The following ARID5B variants were observed in gnomAD, a reference collection of about 807,000 sequenced individuals.
ARID5B encodes the protein AT-rich interaction domain 5B.
ARID5B carries 13 observed loss-of-function variants against 97.2 expected under a neutral mutation model. That is an observed-to-expected ratio of 0.13 (90% CI 0.09 to 0.21). The LOEUF (loss-of-function observed/expected upper bound fraction) is 0.21, where lower values mean the gene tolerates loss of function less well. Among genes scored for constraint, ARID5B ranks in the 10% least tolerant of loss-of-function variants. The pLI is 1.00. For synonymous variants in ARID5B, 556 were observed against 570.3 expected (o/e 0.97, Z 0.36); for missense variants, 1,210 against 1,465.3 (o/e 0.83, Z 2.84).
At chr10:62,004,148 G>C (rs1390824277) in intron 4 of ARID5B, among the ~76,000 whole-genome samples, 1 of 152,128 alleles carries the variant, frequency 6.6e-6, no homozygotes, top group East Asian at 1.9e-4. Flanking sequence ...GGTTATTTTA[G>C]GCTTGAAGGG....
intron 3 of ARID5B, among the ~76,000 whole-genome samples, chr10:61,956,718 A>G (rs918834723): frequency 2.0e-5 from 3 of 152,264 alleles, no homozygotes; most frequent in Admixed American, 2.0e-4. Flanking sequence ...TATCACTCTC[A>G]AACTGTAACT....
chr10:61,984,195 G>A (rs1838816370), intron 3 of ARID5B, among the ~76,000 whole-genome samples: 1 of 152,120 alleles, frequency 6.6e-6, no homozygotes. Flanking sequence ...GGGCTCCACT[G>A]TTTCTTTGGG....
chr10:61,920,484 C>T (rs896634089), intron 2 of ARID5B, among the ~76,000 whole-genome samples: 27 of 152,210 alleles, frequency 1.8e-4, no homozygotes, highest in African/African-American at 6.0e-4. Flanking sequence ...AGGCGTGTGC[C>T]ACCATGCCTG....
At chr10:61,902,673 A>ATGTGTGTGTGTG (rs59459790) in intron 2 of ARID5B, among the ~76,000 whole-genome samples, 22 of 148,338 alleles carry the variant, frequency 1.5e-4, no homozygotes, top group African/African-American at 5.5e-4. Context: ...TTGTTCAAGG[A>ATGTGTGTGTGTG]TGTGTGTGTG....
chr10:61,993,410 C>A (rs1838954393), intron 3 of ARID5B, among the ~76,000 whole-genome samples: 1 of 152,154 alleles, frequency 6.6e-6, no homozygotes, highest in Non-Finnish European at 1.5e-5. Flanking sequence ...TTTCCTTTTA[C>A]AAATGTCTTT....
Position 61,902,191 on chromosome 10 carries a change from T to A in ARID5B, c.54T>A (p.Pro18=). 6.2e-7 allele frequency: 1 copy of A among 1,613,336 alleles called. No individual in the cohort carries two copies. The highest frequency in any genetic ancestry group is 8.5e-7 in the Non-Finnish European group (1 of 1,180,014). The change falls in exon 2 of 10, where the codon CCT becomes CCA. Residue 18 remains proline, a synonymous_variant. Coordinates refer to ENST00000279873, the MANE Select transcript of ARID5B (RefSeq NM_032199.3). ...WVGSPCGLHG[P]YIFYKAFQFH... ...GCTCACCGTGTGGCTTGCACGGACC[T>A]TACATTTTCTACAAGGCTTTTCAAT...
intron 2 of ARID5B, among the ~76,000 whole-genome samples, chr10:61,916,550 T>C (rs181245988): frequency 6.6e-6 from 1 of 152,312 alleles, no homozygotes; most frequent in Admixed American, 6.5e-5. Flanking sequence ...GTGAGGTAGA[T>C]TCTAGTATCA....
chr10:61,950,847 G>C (rs895938239), intron 3 of ARID5B, among the ~76,000 whole-genome samples: 1 of 152,218 alleles, frequency 6.6e-6, no homozygotes, highest in African/African-American at 2.4e-5. Flanking sequence ...ATTACTGACA[G>C]TGAGCCATTA....
chr10:62,052,618 T>C (rs894577912), intron 5 of ARID5B, among the ~76,000 whole-genome samples: 2 of 152,184 alleles, frequency 1.3e-5, no homozygotes, highest in Admixed American at 6.5e-5. Flanking sequence ...AGACCTCCAA[T>C]GTTTCTTTCC....
chr10:62,032,107 G>A (rs569123201), intron 4 of ARID5B, among the ~76,000 whole-genome samples: 98 of 152,224 alleles, frequency 6.4e-4, no homozygotes, highest in Non-Finnish European at 1.1e-3. Context: ...TGGTAAGATC[G>A]CTAGTGGCCA....
chr10:62,061,604 A>G (rs1019282428), intron 7 of ARID5B, among the ~76,000 whole-genome samples: 2 of 152,116 alleles, frequency 1.3e-5, no homozygotes, highest in African/African-American at 4.8e-5. Flanking sequence ...CCATGCCCCA[A>G]AGTTATTCAT....
intron 2 of ARID5B, among the ~76,000 whole-genome samples, chr10:61,907,012 C>T (rs1012851203): frequency 6.6e-5 from 10 of 152,194 alleles, no homozygotes; most frequent in Non-Finnish European, 1.3e-4. Context: ...TAGCATTAAT[C>T]TCACTGAGGT....
intron 2 of ARID5B, among the ~76,000 whole-genome samples, chr10:61,920,373 A>G (rs1388629121): frequency 6.8e-6 from 1 of 146,468 alleles, no homozygotes; most frequent in East Asian, 2.0e-4. Flanking sequence ...TTTGTTGCCC[A>G]GGCAGGAGTG....
intron 3 of ARID5B, among the ~76,000 whole-genome samples, chr10:61,941,581 C>T (rs1844411240): frequency 6.6e-6 from 1 of 151,620 alleles, no homozygotes; most frequent in Admixed American, 6.6e-5. Flanking sequence ...TTTTAATTGG[C>T]ATAAAGAGAC....
At chr10:61,905,489 T>C (rs767985980) in intron 2 of ARID5B, among the ~76,000 whole-genome samples, 2 of 151,372 alleles carry the variant, frequency 1.3e-5, no homozygotes, top group Non-Finnish European at 2.9e-5. Context: ...TTGTAATAAA[T>C]TGTGGGAGGC....
chr10:62,053,244 T>G (rs1839814259), intron 5 of ARID5B, among the ~76,000 whole-genome samples: 1 of 152,208 alleles, frequency 6.6e-6, no homozygotes, highest in Non-Finnish European at 1.5e-5. Context: ...GACTGTTTCT[T>G]TTTAAAAGTG....
In ARID5B at chr10:62,092,283, C is replaced by A. The variant is rs1469908431; in HGVS notation, c.2820C>A (p.Phe940Leu). 2 of 1,607,358 alleles carry A rather than the reference C, an allele frequency of 1.2e-6. No individual in the cohort carries two copies. Among genetic ancestry groups the A allele is most frequent in the Non-Finnish European group, 1.7e-6 (2 of 1,176,812 alleles). ...AGGAGAGCAAAGGCATCTCCCAGTT[C>A]CAGGTCTTAGGCAGCCAGAGTCGAG... ...GPQESKGISQ[F>L]QVLGSQSRDC... The change falls in exon 10 of 10, where the codon TTC becomes TTA. Residue 940 changes from phenylalanine (F) to leucine (L), a missense_variant. Physicochemically the swap from Phe to Leu is conservative, Grantham distance 22. Transcript: ENST00000279873.
At chr10:62,005,179 A>C (rs888491102) in intron 4 of ARID5B, among the ~76,000 whole-genome samples, 2 of 152,172 alleles carry the variant, frequency 1.3e-5, no homozygotes, top group African/African-American at 4.8e-5. Flanking sequence ...TCTGCTGGGG[A>C]CCAGAAAGGA....
intron 3 of ARID5B, among the ~76,000 whole-genome samples, chr10:61,940,783 A>G (rs577724043): frequency 1.8e-4 from 27 of 151,050 alleles, no homozygotes; most frequent in African/African-American, 6.6e-4. Context: ...CATGTTTTAC[A>G]TTGAGTGGAA....
Sources: gnomAD v4.1 joint callset for allele counts (sites outside exome capture counted in the v4.1 genomes callset) on GRCh38, gnomAD v4.1.1 for gene constraint, MANE v1.5 for transcripts, NCBI Gene and HGNC (gene_info 2026-07-23, HGNC 2026-07-21) for gene names.